Variants in CARS1 observed in about 807,000 individuals in gnomAD.
The protein encoded by CARS1 is cysteinyl-tRNA synthetase 1.
In CARS1, 48 loss-of-function variants were observed where a neutral mutation model predicts 106.2. The observed-to-expected ratio is 0.45, with a 90% CI of 0.36 to 0.57. The LOEUF is 0.57. Among genes scored for constraint, CARS1 ranks in the 20% least tolerant of loss-of-function variants. The pLI, the probability that CARS1 is intolerant of heterozygous loss-of-function variation, is 0.00. For missense variants in CARS1, 968 were observed against 1,057.2 expected (o/e 0.92, Z 1.17); for synonymous variants, 409 against 403.4 (o/e 1.01, Z -0.17).
chr11:3,037,423 T>C lies in CARS1; in HGVS notation c.801+627A>G, dbSNP rs1317198047. Among the ~76,000 whole-genome samples the C allele has an allele frequency of 6.6e-6, 1 of 152,208 alleles. No homozygotes were observed. Among genetic ancestry groups the C allele is most frequent in the Non-Finnish European group, 1.5e-5 (1 of 68,020 alleles). On this transcript the variant is annotated intron_variant, in intron 7 of 22. Coordinates refer to ENST00000380525, the MANE Select transcript of CARS1 (RefSeq NM_001014437.3). The surrounding 1 kb of genome is among the most constrained non-coding windows in gnomAD (Gnocchi z 5.9). ...TTTTCTACACACAGCTGCAGCCGTC[T>C]CTTCTCTTTTCCATCGAGTTCTTAA...
At chr11:3,057,199 C>T (rs1856304107) in intron 1 of CARS1, 144 bp downstream of exon 1, 1 of 718,738 alleles carries the variant, frequency 1.4e-6, no homozygotes, top group South Asian at 1.7e-5. Context: ...GCACTGCCGC[C>T]CCTCAGACCA....
chr11:3,031,984 C>CTCCT (rs1423537013), intron 7 of CARS1, among the ~76,000 whole-genome samples: 379 of 34,180 alleles, frequency 0.011, 48 homozygotes, highest in Non-Finnish European at 0.017. Context: ...TCTTTTCTTT[C>CTCCT]TCCTTCCTTC....
intron 1 of CARS1, among the ~76,000 whole-genome samples, chr11:3,051,969 T>C (rs930895806): frequency 6.6e-6 from 1 of 152,214 alleles, no homozygotes; most frequent in African/African-American, 2.4e-5. Context: ...TGGATTCTGA[T>C]GGAGAGACCA....
chr11:3,028,408 C>A lies in CARS1; in HGVS notation c.1031+588G>T. The A allele has an allele frequency of 3.1e-6, 1 of 321,258 alleles. No individual in the cohort carries two copies. The highest frequency in any genetic ancestry group is 5.7e-6 in the Non-Finnish European group (1 of 174,318). The allele number at this position is 321,258 out of a possible 1,614,324, so 19.9% of individuals were successfully genotyped here. A position where few individuals can be genotyped will look rare whatever the true frequency, so the allele number is the denominator to read the frequency against. Reference sequence around the variant, plus strand: ...ATTTCTACAATCTCTCATCTCCACACATGGGGAGAAAAACCCACCGACCCT... The same window carrying A: ...ATTTCTACAATCTCTCATCTCCACAAATGGGGAGAAAAACCCACCGACCCT... On this transcript the variant is annotated intron_variant, in intron 9 of 22. Transcript: ENST00000380525. This position sits in a 1 kb window ranked among gnomAD's most constrained non-coding sequence, Gnocchi z 4.4.
rs1173965275 is a variant in CARS1 at position 3,019,327 on chromosome 11, A to G, written c.1267-60T>C. ...CTACCCGCTTGTCCAGGCCTTTATC[A>G]CTTATCACTCCAAGTTGATGGCCCT... On this transcript the variant is annotated intron_variant, in intron 11 of 22. Coordinates refer to ENST00000380525, the MANE Select transcript of CARS1 (RefSeq NM_001014437.3). This position sits in a 1 kb window ranked among gnomAD's most constrained non-coding sequence, Gnocchi z 6.2. 2.2e-6 allele frequency: 3 copies of G among 1,348,230 alleles called. No homozygotes were observed. Among genetic ancestry groups the G allele is most frequent in the Non-Finnish European group, 2.9e-6 (3 of 1,042,656 alleles). 83.5% of individuals were successfully genotyped at this position (1,348,230 alleles called of 1,614,324 possible). A position where few individuals can be genotyped will look rare whatever the true frequency, so the allele number is the denominator to read the frequency against.
chr11:3,017,826 C>T lies in CARS1; in HGVS notation c.1727+31G>A. ...GCTAGGCATAGAACATGGGCATGCTCAAAAACCCCAAAGAAATGGCACCAC... is the reference window on the plus strand; with the variant it reads ...GCTAGGCATAGAACATGGGCATGCTTAAAAACCCCAAAGAAATGGCACCAC... On this transcript the variant is annotated intron_variant, in intron 15 of 22. Transcript: ENST00000380525. The surrounding 1 kb of genome is among the most constrained non-coding windows in gnomAD (Gnocchi z 4.9). 1 of 1,509,350 alleles carries T rather than the reference C, an allele frequency of 6.6e-7. No individual in the cohort carries two copies. Among genetic ancestry groups the T allele is most frequent in the African/African-American group, 1.4e-5 (1 of 72,852 alleles). 93.5% of individuals were successfully genotyped at this position (1,509,350 alleles called of 1,614,324 possible).
In CARS1 at chr11:3,007,904, A is replaced by T. The variant is rs887940821; in HGVS notation, c.2069-945T>A. 40 of 152,312 alleles carry T rather than the reference A, an allele frequency of 2.6e-4. 1 individual carries two copies. Among genetic ancestry groups the T allele is most frequent in the Admixed American group, 2.4e-3 (37 of 15,288 alleles). The allele number at this position is 152,312 out of a possible 1,614,324, so 9.4% of individuals were successfully genotyped here. On this transcript the variant is annotated intron_variant, in intron 18 of 22. Coordinates refer to ENST00000380525, the MANE Select transcript of CARS1 (RefSeq NM_001014437.3). Reference sequence around the variant, plus strand: ...GCCCAGGTAGAGAACAGGACATAAGAAGTTTTGGGTGTTACAGGGTAAATG... The same window carrying T: ...GCCCAGGTAGAGAACAGGACATAAGTAGTTTTGGGTGTTACAGGGTAAATG...
intron 10 of CARS1, 22 bp downstream of exon 10, chr11:3,026,654 C>G (rs757268254): frequency 1.2e-6 from 2 of 1,612,058 alleles, no homozygotes; most frequent in Non-Finnish European, 1.7e-6. Flanking sequence ...AGCCCACATG[C>G]TCTCAGGCAT....
At chr11:3,009,633 GC>G in intron 18 of CARS1, 1 of 152,502 alleles carries the variant, frequency 6.6e-6, no homozygotes, top group Non-Finnish European at 1.5e-5. Flanking sequence ...CCCTGGCCCA[GC>G]CCCTGGCTTT....
chr11:3,042,605 T>C (rs1436218067), intron 2 of CARS1, among the ~76,000 whole-genome samples: 1 of 152,198 alleles, frequency 6.6e-6, no homozygotes, highest in Non-Finnish European at 1.5e-5. Context: ...GGCGGAGGAA[T>C]GCCTGCACAG....
At chr11:3,047,692 A>G (rs1798075369) in intron 2 of CARS1, 61 bp downstream of exon 2, 1 of 1,546,264 alleles carries the variant, frequency 6.5e-7, no homozygotes, top group Admixed American at 1.9e-5. Context: ...AGGGTGATGG[A>G]GAAAGCCCTT....
Position 3,031,994 on chromosome 11 carries a change from C to T in CARS1, c.802-2551G>A, listed in dbSNP as rs1026229402. ...TCTGTTCTTTTCTTTCTCCTTCCTT[C>T]CTTCCCTCCCTCCCTCCCTCCCTCC... On this transcript the variant is annotated intron_variant, in intron 7 of 22. Coordinates refer to ENST00000380525, the MANE Select transcript of CARS1 (RefSeq NM_001014437.3). Among the ~76,000 whole-genome samples the T allele has an allele frequency of 1.4e-3, 11 of 7,744 alleles. 1 individual carries two copies. The South Asian group carries it at 0.019, about 13-fold the overall frequency. The allele number at this position is 7,744 out of a possible 152,430, so 5.1% of individuals were successfully genotyped here. A position where few individuals can be genotyped will look rare whatever the true frequency, so the allele number is the denominator to read the frequency against.
rs1849445957 is a variant in CARS1, at chr11:3,002,060, C to T, written c.2278-7G>A. On this transcript the variant is annotated splice_region_variant and splice_polypyrimidine_tract_variant and intron_variant, in intron 21 of 22. Coordinates refer to ENST00000380525, the MANE Select transcript of CARS1 (RefSeq NM_001014437.3). ...TCTTGGCCAGCTTTGCTGCCTAGAA[C>T]ACGCAACACGGCACAGTCACTGCCC... 2 of 1,604,074 alleles carry T rather than the reference C, an allele frequency of 1.2e-6. No individual in the cohort carries two copies. Among genetic ancestry groups the T allele is most frequent in the Non-Finnish European group, 1.7e-6 (2 of 1,171,262 alleles).
At chr11:3,032,362 C>T (rs189641038) in intron 7 of CARS1, among the ~76,000 whole-genome samples, 267 of 152,174 alleles carry the variant, frequency 1.8e-3, no homozygotes, top group African/African-American at 6.1e-3. Flanking sequence ...TGAGCCACCG[C>T]GCCCGGCCAA....
At position 3,038,827 on chromosome 11, in the gene CARS1, C is replaced by T. The variant is rs1854029137; in HGVS notation, c.651+367G>A. Reference sequence around the variant, plus strand: ...TACCAAATTAAAAAGCTTAGTATAGCTTTTGTATCTTGGGCAGAAGTTTCT... The same window carrying T: ...TACCAAATTAAAAAGCTTAGTATAGTTTTTGTATCTTGGGCAGAAGTTTCT... On this transcript the variant is annotated intron_variant, in intron 6 of 22. Transcript: ENST00000380525. This position sits in a 1 kb window ranked among gnomAD's most constrained non-coding sequence, Gnocchi z 4.0. 6.6e-6 allele frequency among the ~76,000 whole-genome samples: 1 copy of T among 152,196 alleles called. No individual in the cohort carries two copies. Among genetic ancestry groups the T allele is most frequent in the South Asian group, 2.1e-4 (1 of 4,834 alleles).
chr11:3,023,556 A>G (rs545173229), intron 10 of CARS1, among the ~76,000 whole-genome samples: 11 of 152,172 alleles, frequency 7.2e-5, no homozygotes, highest in African/African-American at 2.7e-4. Flanking sequence ...TACCACACTC[A>G]GCTAATTTTT....
intron 16 of CARS1, among the ~76,000 whole-genome samples, chr11:3,016,243 T>C (rs1436566616): frequency 6.8e-6 from 1 of 146,756 alleles, no homozygotes; most frequent in East Asian, 2.0e-4. Context: ...TTTTTTGAGA[T>C]GGAATCTCAC....
rs1464776096 is a variant in CARS1 at position 3,003,681 on chromosome 11, A to C, written c.2218-1081T>G. On this transcript the variant is annotated intron_variant, in intron 20 of 22. Transcript: ENST00000380525. This position sits in a 1 kb window ranked among gnomAD's most constrained non-coding sequence, Gnocchi z 4.8. ...AGGGAGAGCAGGGCTGGCCGAGGGA[A>C]AGGGGCTGAGGTGGGGGAGGAGCTG... is the stretch of plus-strand genomic sequence containing the variant. Among the ~76,000 whole-genome samples the C allele has an allele frequency of 2.6e-5, 4 of 152,094 alleles. No individual in the cohort carries two copies. Among genetic ancestry groups the C allele is most frequent in the Non-Finnish European group, 5.9e-5 (4 of 68,004 alleles).
At chr11:3,054,596 G>C (rs1314764367) in intron 1 of CARS1, among the ~76,000 whole-genome samples, 2 of 152,138 alleles carry the variant, frequency 1.3e-5, no homozygotes, top group African/African-American at 2.4e-5. Context: ...AGCAGTTAAG[G>C]TCCCTATTGA....
Sources: gnomAD v4.1 joint callset for allele counts (sites outside exome capture counted in the v4.1 genomes callset) on GRCh38, gnomAD v4.1.1 for gene constraint, Gnocchi (gnomAD v3.1) non-coding constraint, MANE v1.5 for transcripts, NCBI Gene and HGNC (gene_info 2026-07-23, HGNC 2026-07-21) for gene names.